PLCL2: variants seen among roughly 807,000 people sequenced by gnomAD.
PLCL2 encodes the protein phospholipase C like 2, also known as inactive phospholipase C-like protein 2.
In PLCL2, 4 loss-of-function variants were observed where a neutral mutation model predicts 79.6. The ratio of observed to expected loss-of-function variants is 0.05; its 90% CI spans 0.02 to 0.11. The LOEUF (loss-of-function observed/expected upper bound fraction) is 0.11, where lower values mean the gene tolerates loss of function less well. Among genes scored for constraint, PLCL2 ranks in the 10% least tolerant of loss-of-function variants. PLCL2 has a pLI of 1.00. For synonymous variants in PLCL2, 484 were observed against 457.7 expected, an observed-to-expected ratio of 1.06 and a Z score of -0.73; for missense variants, 895 against 1,291.0, an observed-to-expected ratio of 0.69 and a Z score of 4.70.
chr3:16,926,949 G>C (rs1284317875), intron 1 of PLCL2, among the ~76,000 whole-genome samples: 1 of 151,962 alleles, frequency 6.6e-6, no homozygotes, highest in Non-Finnish European at 1.5e-5. Flanking sequence ...TTAAGGCTAA[G>C]GAAGAACGGG....
intron 1 of PLCL2, among the ~76,000 whole-genome samples, chr3:16,981,831 AT>A (rs2064001810): frequency 6.6e-6 from 1 of 152,200 alleles, no homozygotes. Context: ...GTGTATTGCC[AT>A]TTGTGACTTT....
At chr3:17,043,464 C>A (rs2064747613) in intron 4 of PLCL2, among the ~76,000 whole-genome samples, 1 of 152,098 alleles carries the variant, frequency 6.6e-6, no homozygotes, top group Non-Finnish European at 1.5e-5. Context: ...CTATAAAATT[C>A]TTCTTATATA....
At chr3:16,990,482 G>T (rs964633154) in intron 1 of PLCL2, among the ~76,000 whole-genome samples, 2 of 152,174 alleles carry the variant, frequency 1.3e-5, no homozygotes, top group African/African-American at 2.4e-5. Flanking sequence ...TTGTAAGCTT[G>T]CAATGAGCTC....
At chr3:16,951,006 C>T (rs944014032) in intron 1 of PLCL2, among the ~76,000 whole-genome samples, 1 of 152,038 alleles carries the variant, frequency 6.6e-6, no homozygotes, top group Non-Finnish European at 1.5e-5. Flanking sequence ...CTATGATCAA[C>T]CAGACAATAC....
chr3:16,902,715 T>A (rs1379085161), intron 1 of PLCL2, among the ~76,000 whole-genome samples: 1 of 151,358 alleles, frequency 6.6e-6, no homozygotes, highest in East Asian at 1.9e-4. Context: ...TAATCCCAGC[T>A]ACTCAGGAGG....
intron 1 of PLCL2, among the ~76,000 whole-genome samples, chr3:16,895,124 A>ATATAGATACATGTTTC (rs1696448239): frequency 3.3e-5 from 5 of 152,032 alleles, no homozygotes; most frequent in Admixed American, 6.5e-5. Flanking sequence ...ATATATGTTG[A>ATATAGATACATGTTTC]AACATGTATC....
At chr3:17,041,219 A>T (rs2064717863) in intron 3 of PLCL2, among the ~76,000 whole-genome samples, 1 of 152,150 alleles carries the variant, frequency 6.6e-6, no homozygotes, top group South Asian at 2.1e-4. Flanking sequence ...AATTTATGGG[A>T]ATGACTCAGA....
intron 3 of PLCL2, among the ~76,000 whole-genome samples, chr3:17,039,549 A>C (rs971423636): frequency 9.9e-5 from 15 of 152,256 alleles, no homozygotes; most frequent in African/African-American, 3.6e-4. Flanking sequence ...TATGTACCCC[A>C]AAATGATAAA....
chr3:16,947,364 G>A (rs964488978), intron 1 of PLCL2, among the ~76,000 whole-genome samples: 30 of 152,278 alleles, frequency 2.0e-4, no homozygotes, highest in Middle Eastern at 3.4e-3. Flanking sequence ...TTGGACAACA[G>A]GAGATTTGAA....
chr3:16,895,958 G>A (rs1696469659), intron 1 of PLCL2, among the ~76,000 whole-genome samples: 1 of 152,150 alleles, frequency 6.6e-6, no homozygotes, highest in African/African-American at 2.4e-5. Context: ...AATAATTGAG[G>A]GAGGAAGCAA....
Position 16,962,006 on chromosome 3 carries a change from G to A in PLCL2, c.328-47668G>A, listed in dbSNP as rs566959089. The stretch of plus-strand genomic sequence containing the variant: ...CTCAGCTCCTGCCGGGAGGAATCTG[G>A]GACTGATGAGCAAGCTGAATGGCAG... On this transcript the variant is annotated intron_variant, in intron 1 of 5. Transcript: ENST00000615277. Among the ~76,000 whole-genome samples, 7 of 152,238 alleles carry A rather than the reference G, an allele frequency of 4.6e-5. No individual in the cohort carries two copies. The East Asian group carries it at 9.6e-4, about 21-fold the overall frequency.
intron 1 of PLCL2, among the ~76,000 whole-genome samples, chr3:16,992,266 G>T (rs772785934): frequency 3.3e-5 from 5 of 152,094 alleles, no homozygotes; most frequent in Non-Finnish European, 7.4e-5. Context: ...CTCTTAAGAA[G>T]GTCACCTGGA....
intron 5 of PLCL2, among the ~76,000 whole-genome samples, chr3:17,078,787 T>C (rs1438153887): frequency 6.6e-6 from 1 of 152,208 alleles, no homozygotes; most frequent in Non-Finnish European, 1.5e-5. Context: ...ATTACCATGA[T>C]GGTTGATGTA....
chr3:17,050,077 G>A (rs1467403991), intron 4 of PLCL2, among the ~76,000 whole-genome samples: 1 of 152,132 alleles, frequency 6.6e-6, no homozygotes, highest in African/African-American at 2.4e-5. Flanking sequence ...ATTATACAGT[G>A]GGGAAAACAC....
chr3:16,951,908 T>G (rs1197743605), intron 1 of PLCL2, among the ~76,000 whole-genome samples: 1 of 152,048 alleles, frequency 6.6e-6, no homozygotes, highest in Non-Finnish European at 1.5e-5. Flanking sequence ...GATCTTTTTT[T>G]TGTGAATATA....
At chr3:16,914,771 C>G (rs1696955573) in intron 1 of PLCL2, among the ~76,000 whole-genome samples, 1 of 152,166 alleles carries the variant, frequency 6.6e-6, no homozygotes, top group South Asian at 2.1e-4. Flanking sequence ...GGGTCTCACT[C>G]TGTCACCCAG....
chr3:17,002,652 A>C (rs908862594), intron 1 of PLCL2, among the ~76,000 whole-genome samples: 5 of 152,104 alleles, frequency 3.3e-5, no homozygotes, highest in Non-Finnish European at 1.5e-5. Context: ...AACTTGGAAA[A>C]TTCTAGGACA....
rs952065585 is a variant in PLCL2, at chr3:17,053,187, C to T, written c.3094+10238C>T. On this transcript the variant is annotated intron_variant, in intron 4 of 5. Coordinates refer to ENST00000615277, the MANE Select transcript of PLCL2 (RefSeq NM_001144382.2). The stretch of plus-strand genomic sequence containing the variant: ...CATGCTTAATTGGCTCATGGTTCCA[C>T]AGGCTGTACAGGAAGCATGATGCTG... Among the ~76,000 whole-genome samples, 7 of 152,316 alleles carry T rather than the reference C, an allele frequency of 4.6e-5. No homozygotes were observed. In the East Asian group the frequency reaches 1.3e-3, roughly 29 times the overall value.
intron 5 of PLCL2, among the ~76,000 whole-genome samples, chr3:17,082,852 A>G (rs1350832996): frequency 6.6e-6 from 1 of 152,226 alleles, no homozygotes; most frequent in Admixed American, 6.5e-5. Context: ...TTACATTAAA[A>G]GTAAAATAAA....
Sources: allele counts gnomAD v4.1 joint callset (sites outside exome capture counted in the v4.1 genomes callset), GRCh38; gene constraint gnomAD v4.1.1; transcripts MANE v1.5; gene names NCBI Gene and HGNC (gene_info 2026-07-23, HGNC 2026-07-21).